Variants in MAZ observed in about 807,000 individuals in gnomAD.
MAZ encodes the protein MYC associated zinc finger protein, also known as myc-associated zinc finger protein.
Under a neutral mutation model 32.7 loss-of-function variants are expected in MAZ, and 4 were observed. That is an observed-to-expected ratio of 0.12 (90% CI 0.06 to 0.28). The LOEUF (loss-of-function observed/expected upper bound fraction) is 0.28, where lower values mean the gene tolerates loss of function less well. Among genes scored for constraint, MAZ ranks in the 10% least tolerant of loss-of-function variants. The pLI, the probability that MAZ is intolerant of heterozygous loss-of-function variation, is 1.00. For synonymous variants in MAZ, 510 were observed against 297.6 expected, an observed-to-expected ratio of 1.71 and a Z score of -7.35; for missense variants, 763 against 667.2, an observed-to-expected ratio of 1.14 and a Z score of -1.58.
intron 2 of MAZ, 163 bp from the exon 3 acceptor site, chr16:29,808,067 A>T (rs911166318): frequency 3.1e-6 from 3 of 980,102 alleles, no homozygotes; most frequent in East Asian, 2.6e-5. Context: ...CGGCGGCGGC[A>T]GCGGCTGCTG....
intron 2 of MAZ, 57 bp from the exon 3 acceptor site, chr16:29,808,173 T>G: frequency 2.7e-6 from 4 of 1,462,582 alleles, no homozygotes; most frequent in Non-Finnish European, 2.9e-6. Context: ...GTGGTGCGGT[T>G]TGGTGGATTT....
intron 4 of MAZ, chr16:29,809,058 C>T (rs951582585): frequency 5.6e-6 from 3 of 533,582 alleles, no homozygotes; most frequent in African/African-American, 3.9e-5. Context: ...AAGGTTTCCG[C>T]TGCGCAGCCA....
chr16:29,808,188 C>T (rs1899656387), intron 2 of MAZ, 42 bp from the exon 3 acceptor site: 2 of 1,562,144 alleles, frequency 1.3e-6, no homozygotes, highest in Non-Finnish European at 1.8e-6. Context: ...GGATTTGGGG[C>T]GCACCACCTC....
intron 3 of MAZ, 91 bp from the exon 4 acceptor site, chr16:29,808,479 T>C: frequency 9.6e-7 from 1 of 1,041,884 alleles, no homozygotes; most frequent in Non-Finnish European, 1.4e-6. Flanking sequence ...TCCCCAAGGC[T>C]CTGATTCCTT....
At position 29,810,272 on chromosome 16, in the gene MAZ, A is replaced by G; in HGVS notation, c.*41A>G. On this transcript the variant is annotated 3_prime_UTR_variant, in exon 5 of 5. Transcript: ENST00000322945. ...CGGGGGAGAGGGGAGAATGGAGTAG[A>G]GTCCCTTGGTACAAGCTCCTCTCCC... 24 of 1,540,762 alleles carry G rather than the reference A, an allele frequency of 1.6e-5. No individual in the cohort carries two copies. Among genetic ancestry groups the G allele is most frequent in the Non-Finnish European group, 2.1e-5 (24 of 1,137,044 alleles).
chr16:29,808,208 C>G, intron 2 of MAZ, 22 bp from the exon 3 acceptor site: 1 of 1,611,464 alleles, frequency 6.2e-7, no homozygotes, highest in Non-Finnish European at 8.5e-7. Context: ...CCGCCCTAAC[C>G]CCAACCCCAA....
chr16:29,809,242 A>T (rs1187357500), intron 4 of MAZ: 2 of 528,458 alleles, frequency 3.8e-6, no homozygotes, highest in African/African-American at 3.9e-5. Flanking sequence ...CTGAGGGTCA[A>T]CCCTGCAAGT....
At chr16:29,809,129 G>C in intron 4 of MAZ, 1 of 503,410 alleles carries the variant, frequency 2.0e-6, no homozygotes, top group Non-Finnish European at 3.5e-6. Context: ...TTACCAGCAC[G>C]CACCCTGCAC....
chr16:29,806,904 C>T lies in MAZ; in HGVS notation c.192+11C>T, dbSNP rs779781775. ...CAGAGTCCATTCCAGGTGAGTAGGGCCGGCCGCGGCGGCCCGGGCTGGGGG... is the reference window on the plus strand; with the variant it reads ...CAGAGTCCATTCCAGGTGAGTAGGGTCGGCCGCGGCGGCCCGGGCTGGGGG... On this transcript the variant is annotated intron_variant, in intron 1 of 4. Coordinates refer to ENST00000322945, the MANE Select transcript of MAZ (RefSeq NM_002383.4). 5.3e-6 allele frequency: 7 copies of T among 1,317,752 alleles called. No individual in the cohort carries two copies. Among genetic ancestry groups the T allele is most frequent in the South Asian group, 1.7e-5 (1 of 60,468 alleles). 81.6% of individuals were successfully genotyped at this position (1,317,752 alleles called of 1,614,324 possible).
chr16:29,808,432 C>A, intron 3 of MAZ, 138 bp from the exon 4 acceptor site: 3 of 999,742 alleles, frequency 3.0e-6, no homozygotes, highest in Non-Finnish European at 4.6e-6. Flanking sequence ...TTCTTCAAGG[C>A]CTCATCATGT....
rs923779785 is a variant in MAZ at position 29,808,304 on chromosome 16, C to G, written c.1107+11C>G. Reference sequence around the variant, plus strand: ...CCCTTCAAATGTGAGGTAGGAAGCCCGCCTCCTCCTGTCTTGGTTTTCATG... The same window carrying G: ...CCCTTCAAATGTGAGGTAGGAAGCCGGCCTCCTCCTGTCTTGGTTTTCATG... On this transcript the variant is annotated intron_variant, in intron 3 of 4. Transcript: ENST00000322945. 1 of 1,612,108 alleles carries G rather than the reference C, an allele frequency of 6.2e-7. No individual in the cohort carries two copies. The highest frequency in any genetic ancestry group is 1.7e-5 in the Admixed American group (1 of 60,010).
chr16:29,809,651 C>T lies in MAZ; in HGVS notation c.1280-426C>T, dbSNP rs770859139. On this transcript the variant is annotated intron_variant, in intron 4 of 4. Transcript: ENST00000322945. Reference sequence around the variant, plus strand: ...CTGTGCAGCGTGCACTGCAAGACCCCTGCCCAGCTGGCCGGCCACATGCAG... The same window carrying T: ...CTGTGCAGCGTGCACTGCAAGACCCTTGCCCAGCTGGCCGGCCACATGCAG... 35 of 1,590,142 alleles carry T rather than the reference C, an allele frequency of 2.2e-5. No individual in the cohort carries two copies. Among genetic ancestry groups the T allele is most frequent in the Non-Finnish European group, 2.7e-5 (32 of 1,166,692 alleles).
chr16:29,806,240 C>T (rs1899435884), upstream of MAZ: 2 of 258,498 alleles, frequency 7.7e-6, no homozygotes, highest in South Asian at 9.1e-5. Context: ...GCCCGCCCTC[C>T]CTCCCGTCCC....
In MAZ at chr16:29,810,818, AACATCGTCCT is replaced by A; in HGVS notation, c.*590_*599del. 2.9e-6 allele frequency: 1 copy of A among 346,954 alleles called. No individual in the cohort carries two copies. The highest frequency in any genetic ancestry group is 2.2e-5 in the African/African-American group (1 of 46,412). 21.5% of individuals were successfully genotyped at this position (346,954 alleles called of 1,614,324 possible). On this transcript the variant is annotated 3_prime_UTR_variant, in exon 5 of 5. Coordinates refer to ENST00000322945, the MANE Select transcript of MAZ (RefSeq NM_002383.4). The stretch of plus-strand genomic sequence containing the variant: ...TATGGGGGGTTGGGGTCAGGCCCTG[AACATCGTCCT>A]ACTTGAGAATCTGTCAGGGGAAAAA...
rs1338810669 is a variant in MAZ, at chr16:29,810,656, C to A, written c.*425C>A. ...CCCCTCCCCGGGGAGTTGGTGCTTT[C>A]TTTTCCTTTTTTTTTTTTTTCCAGG... On this transcript the variant is annotated 3_prime_UTR_variant, in exon 5 of 5. Coordinates refer to ENST00000322945, the MANE Select transcript of MAZ (RefSeq NM_002383.4). 4 of 535,162 alleles carry A rather than the reference C, an allele frequency of 7.5e-6. No individual in the cohort carries two copies. Among genetic ancestry groups the A allele is most frequent in the Non-Finnish European group, 1.3e-5 (4 of 300,102 alleles). 33.2% of individuals were successfully genotyped at this position (535,162 alleles called of 1,614,324 possible).
rs754499405 is a variant in MAZ, at chr16:29,810,141, A to G, written c.1344A>G (p.Ala448=). 96 of 1,608,896 alleles carry G rather than the reference A, an allele frequency of 6.0e-5. No individual in the cohort carries two copies. In the East Asian group the frequency reaches 1.7e-3, roughly 28 times the overall value. ...AAAAAAAAAA[A]VAAPPTAVGS... is the part of the protein sequence containing the mutation. ...CGGCGGCAGCGGCAGCAGCGGCAGCAGTAGCAGCCCCTCCCACAGCTGTGG... is the reference window on the plus strand; with the variant it reads ...CGGCGGCAGCGGCAGCAGCGGCAGCGGTAGCAGCCCCTCCCACAGCTGTGG... Residue 448 remains alanine, a synonymous_variant, in exon 5 of 5, where the codon GCA becomes GCG. Transcript: ENST00000322945.
chr16:29,807,516 C>G lies in MAZ; in HGVS notation c.731C>G (p.Ala244Gly), dbSNP rs1046975648. ...CTGAGCGTGCCCCAGCTGAGCGGAG[C>G]CGGCGGGGGAGGGGGAGAGGCGGGT... is the stretch of plus-strand genomic sequence containing the variant. ...SLLSVPQLSG[A>G]GGGGGEAGAG... The change falls in exon 2 of 5, where the codon GCC (alanine) becomes GGC (glycine). Residue 244 changes from alanine (A) to glycine (G), a missense_variant. Physicochemically the swap from Ala to Gly is moderately conservative, Grantham distance 60 (BLOSUM62 0). Transcript: ENST00000322945. 2 of 1,610,066 alleles carry G rather than the reference C, an allele frequency of 1.2e-6. No homozygotes were observed. Among genetic ancestry groups the G allele is most frequent in the African/African-American group, 1.3e-5 (1 of 74,962 alleles).
upstream of MAZ, chr16:29,806,153 C>T (rs1899429150): frequency 4.6e-6 from 6 of 1,314,938 alleles, no homozygotes; most frequent in East Asian, 1.3e-4. Context: ...CCATGGATCC[C>T]AGCAACTGGA....
At chr16:29,808,107 T>G (rs946603270) in intron 2 of MAZ, 123 bp from the exon 3 acceptor site, 3 of 1,017,268 alleles carry the variant, frequency 2.9e-6, no homozygotes, top group Non-Finnish European at 4.5e-6. Context: ...CCTGCTTAAG[T>G]GTCGCTGTGA....
Sources: allele counts gnomAD v4.1 joint callset, GRCh38; gene constraint gnomAD v4.1.1; transcripts MANE v1.5; gene names NCBI Gene and HGNC (gene_info 2026-07-23, HGNC 2026-07-21).